The following CRYBA1 variants were observed in gnomAD, a reference collection of about 807,000 sequenced individuals.
CRYBA1 encodes crystallin beta A1, also known as beta-crystallin A3.
Under a neutral mutation model 36.2 loss-of-function variants are expected in CRYBA1, and 25 were observed. The observed-to-expected ratio is 0.69, with a 90% CI of 0.50 to 0.97. The LOEUF is 0.97. CRYBA1 is among the 50% of genes least tolerant of loss of function. The pLI is 0.00. For missense variants in CRYBA1, 224 were observed against 276.3 expected (o/e 0.81, Z 1.34); for synonymous variants, 111 against 90.0 (o/e 1.23, Z -1.32).
Position 29,250,174 on chromosome 17 carries a change from C to T in CRYBA1, c.97-8C>T, listed in dbSNP as rs376499974. 2.9e-4 allele frequency: 436 copies of T among 1,478,236 alleles called. 2 individuals are homozygous for T. The highest frequency in any genetic ancestry group is 3.7e-4 in the Non-Finnish European group (393 of 1,055,922). 91.6% of individuals were successfully genotyped at this position (1,478,236 alleles called of 1,614,324 possible). A position where few individuals can be genotyped will look rare whatever the true frequency, so the allele number is the denominator to read the frequency against. On this transcript the variant is annotated splice_polypyrimidine_tract_variant and splice_region_variant and intron_variant, in intron 2 of 5. Transcript: ENST00000225387. ...CTAGCTCTCTTGCGCCATTCAATCT[C>T]ATTTCAGATAACCATCTATGATCAG...
rs567189132 is a variant in CRYBA1 at position 29,247,574 on chromosome 17, A to C, written c.31+680A>C. On this transcript the variant is annotated intron_variant, in intron 1 of 5. Transcript: ENST00000225387. ...ACTCTTTTCTTCTTCACTTTCCTTC[A>C]ATAAGTCTTTTTCAATGTCCCCCTG... Among the ~76,000 whole-genome samples, 3 of 152,160 alleles carry C rather than the reference A, an allele frequency of 2.0e-5. No individual in the cohort carries two copies. The South Asian group carries it at 6.2e-4, about 32-fold the overall frequency.
chr17:29,254,350 C>G lies in CRYBA1; in HGVS notation c.*1C>G. The stretch of plus-strand genomic sequence containing the variant: ...ATCGATTCGCCGAATCCAACAGTAG[C>G]TGATTAAAAGCTCCAAGTACGATAA... On this transcript the variant is annotated 3_prime_UTR_variant, in exon 6 of 6. Coordinates refer to ENST00000225387, the MANE Select transcript of CRYBA1 (RefSeq NM_005208.5). 6.2e-7 allele frequency: 1 copy of G among 1,614,094 alleles called. No individual in the cohort carries two copies. Among genetic ancestry groups the G allele is most frequent in the Non-Finnish European group, 8.5e-7 (1 of 1,180,008 alleles).
At chr17:29,247,648 G>A (rs2068908700) in intron 1 of CRYBA1, among the ~76,000 whole-genome samples, 1 of 152,204 alleles carries the variant, frequency 6.6e-6, no homozygotes, top group Non-Finnish European at 1.5e-5. Flanking sequence ...CAATCCCCTA[G>A]AAGACCGAGG....
rs186426912 is a variant in CRYBA1 at position 29,253,915 on chromosome 17, A to G, written c.500+133A>G. 2,686 of 1,243,778 alleles carry G rather than the reference A, an allele frequency of 2.2e-3. 5 individuals carry two copies. The highest frequency in any genetic ancestry group is 2.7e-3 in the Non-Finnish European group (2,363 of 883,284). 77.0% of individuals were successfully genotyped at this position (1,243,778 alleles called of 1,614,324 possible). A position where few individuals can be genotyped will look rare whatever the true frequency, so the allele number is the denominator to read the frequency against. On this transcript the variant is annotated intron_variant, in intron 5 of 5. Transcript: ENST00000225387. ...TAGTTCTACATAATTTTGAATCTCA[A>G]TTTCTTTATACCAACTACCACTTTA...
rs562291474 is a variant in CRYBA1, at chr17:29,247,643, C to G, written c.31+749C>G. Reference sequence around the variant, plus strand: ...TGCTCAGCACGATGCTATACCAATCCCCTAGAAGACCGAGGCCTTGCCATT... The same window carrying G: ...TGCTCAGCACGATGCTATACCAATCGCCTAGAAGACCGAGGCCTTGCCATT... On this transcript the variant is annotated intron_variant, in intron 1 of 5. Coordinates refer to ENST00000225387, the MANE Select transcript of CRYBA1 (RefSeq NM_005208.5). 6.6e-5 allele frequency among the ~76,000 whole-genome samples: 10 copies of G among 152,338 alleles called. No homozygotes were observed. In the South Asian group the frequency reaches 2.1e-3, roughly 32 times the overall value.
At chr17:29,250,013 T>G (rs778562784) in intron 2 of CRYBA1, among the ~76,000 whole-genome samples, 169 bp from the exon 3 acceptor site, 8 of 152,202 alleles carry the variant, frequency 5.3e-5, no homozygotes, top group Non-Finnish European at 8.8e-5. Context: ...ACCAGTGGCA[T>G]TAATTCAAAC....
At position 29,252,193 on chromosome 17, in the gene CRYBA1, C is replaced by T; in HGVS notation, c.345C>T (p.Pro115=). ...YHIERLMSFR[P]ICSANHKESK... Reference sequence around the variant, plus strand: ...TTGAGCGTCTCATGTCCTTCCGCCCCATCTGTTCAGCTGTGAGTCTCTGAA... The same window carrying T: ...TTGAGCGTCTCATGTCCTTCCGCCCTATCTGTTCAGCTGTGAGTCTCTGAA... The change falls in exon 4 of 6, where the codon CCC becomes CCT. Residue 115 remains proline (P), a synonymous_variant. Transcript: ENST00000225387. 2 of 1,614,128 alleles carry T rather than the reference C, an allele frequency of 1.2e-6. No homozygotes were observed. The highest frequency in any genetic ancestry group is 1.7e-6 in the Non-Finnish European group (2 of 1,180,032).
Position 29,252,145 on chromosome 17 carries a change from G to A in CRYBA1, c.297G>A (p.Trp99Ter). Residue 99 changes from tryptophan (W) to a stop codon, truncating the protein, a stop_gained, in exon 4 of 6, where the codon TGG becomes TGA. Transcript: ENST00000225387. LOFTEE classifies it high-confidence loss of function. ...GAGAATACCCTCGCTGGGATGCCTG[G>A]AGTGGGAGTAATGCCTACCACATTG... is the stretch of plus-strand genomic sequence containing the variant. Reference protein sequence around the residue: ...ERGEYPRWDAWSGSNAYHIER... With the variant: ...ERGEYPRWDA The A allele has an allele frequency of 6.2e-7, 1 of 1,614,120 alleles. No individual in the cohort carries two copies. Among genetic ancestry groups the A allele is most frequent in the Non-Finnish European group, 8.5e-7 (1 of 1,180,022 alleles).
At chr17:29,248,391 G>C (rs2068914421) in intron 1 of CRYBA1, among the ~76,000 whole-genome samples, 3 of 148,234 alleles carry the variant, frequency 2.0e-5, no homozygotes, top group African/African-American at 7.5e-5. Context: ...TTGAGATGGA[G>C]TCTCACTCTG....
intron 4 of CRYBA1, among the ~76,000 whole-genome samples, chr17:29,252,636 C>T (rs1344706070): frequency 6.6e-6 from 1 of 152,090 alleles, no homozygotes; most frequent in African/African-American, 2.4e-5. Flanking sequence ...TATCGATCTA[C>T]ACTGATTGAT....
intron 5 of CRYBA1, 96 bp from the exon 6 acceptor site, chr17:29,254,106 C>T: frequency 7.3e-7 from 1 of 1,363,916 alleles, no homozygotes; most frequent in Non-Finnish European, 1.0e-6. Flanking sequence ...CTAAAAGCAT[C>T]TCATACCATT....
Position 29,254,332 on chromosome 17 carries a change from C to G in CRYBA1, c.631C>G (p.Arg211Gly). ...CCAGACTTCGCAGATCCAATCGATTCGCCGAATCCAACAGTAGCTGATTAA... is the reference window on the plus strand; with the variant it reads ...CCAGACTTCGCAGATCCAATCGATTGGCCGAATCCAACAGTAGCTGATTAA... ...HAQTSQIQSI[R>G]RIQQ Residue 211 changes from arginine (R) to glycine (G), a missense_variant, in exon 6 of 6, where the codon CGC becomes GGC. Arg to Gly is a moderately radical substitution (Grantham distance 125). Coordinates refer to ENST00000225387, the MANE Select transcript of CRYBA1 (RefSeq NM_005208.5). The G allele has an allele frequency of 1.9e-6, 3 of 1,614,116 alleles. No homozygotes were observed. Among genetic ancestry groups the G allele is most frequent in the Non-Finnish European group, 2.5e-6 (3 of 1,180,034 alleles).
chr17:29,250,119 T>C, intron 2 of CRYBA1, 63 bp from the exon 3 acceptor site: 1 of 931,746 alleles, frequency 1.1e-6, no homozygotes, highest in East Asian at 2.4e-5. Flanking sequence ...AGTTAAGCTG[T>C]TGACCTGGAC....
chr17:29,248,554 G>A (rs2068915683), intron 1 of CRYBA1, among the ~76,000 whole-genome samples: 1 of 151,170 alleles, frequency 6.6e-6, no homozygotes, highest in Non-Finnish European at 1.5e-5. Context: ...TAGTAGAGAC[G>A]GGGTTTCACC....
At position 29,250,005 on chromosome 17, in the gene CRYBA1, C is replaced by T. The variant is rs144491774; in HGVS notation, c.97-177C>T. Among the ~76,000 whole-genome samples the T allele has an allele frequency of 5.6e-3, 856 of 152,328 alleles. 5 individuals are homozygous for T. The highest frequency in any genetic ancestry group is 0.02 in the African/African-American group (822 of 41,576). ...CTACTCTGGGCAAATGAACACCAAC[C>T]AGTGGCATTAATTCAAACCCCTTCC... On this transcript the variant is annotated intron_variant, in intron 2 of 5. Transcript: ENST00000225387.
chr17:29,247,367 C>T (rs957717416), intron 1 of CRYBA1, among the ~76,000 whole-genome samples: 1 of 152,178 alleles, frequency 6.6e-6, no homozygotes, highest in Non-Finnish European at 1.5e-5. Context: ...TTTTAAAACT[C>T]GTCCTACCAT....
intron 5 of CRYBA1, 134 bp downstream of exon 5, chr17:29,253,916 T>C: frequency 1.6e-6 from 2 of 1,247,574 alleles, no homozygotes; most frequent in South Asian, 1.3e-5. Flanking sequence ...TGAATCTCAA[T>C]TTCTTTATAC....
In CRYBA1 at chr17:29,253,773, A is replaced by G. The variant is rs372622008; in HGVS notation, c.491A>G (p.Gln164Arg). The change falls in exon 5 of 6, where the codon CAA (glutamine) becomes CGA (arginine). Residue 164 changes from glutamine to arginine, a missense_variant. By Grantham distance (43) the Gln-to-Arg change is conservative. Coordinates refer to ENST00000225387, the MANE Select transcript of CRYBA1 (RefSeq NM_005208.5). Reference protein sequence around the residue: ...FNNEVGSMKIQSGAWVCYQYP... With the variant: ...FNNEVGSMKIRSGAWVCYQYP... ...AACGAAGTCGGCTCCATGAAGATAC[A>G]AAGTGGGGCGTAAGTACAAAAACAG... is the stretch of plus-strand genomic sequence containing the variant. The G allele has an allele frequency of 4.3e-6, 7 of 1,614,110 alleles. No individual in the cohort carries two copies. The African/African-American group carries it at 9.3e-5, about 22-fold the overall frequency.
chr17:29,246,999 GGTGGCTGGAGAAGA>G (rs2068904961), intron 1 of CRYBA1, 105 bp downstream of exon 1: 2 of 1,302,876 alleles, frequency 1.5e-6, no homozygotes, highest in African/African-American at 1.5e-5. Context: ...AGCCTTCTAG[GGTGGCTGGAGAAGA>G]GTGGGGAACT....
Sources: gnomAD v4.1 joint callset for allele counts (sites outside exome capture counted in the v4.1 genomes callset) on GRCh38, gnomAD v4.1.1 for gene constraint, MANE v1.5 for transcripts, NCBI Gene and HGNC (gene_info 2026-07-23, HGNC 2026-07-21) for gene names.